The following RPTOR variants were observed in gnomAD, a reference collection of about 807,000 sequenced individuals.
RPTOR encodes the protein regulatory-associated protein of mTOR.
A neutral mutation model predicts 169.9 loss-of-function variants in RPTOR; 21 were observed. The observed-to-expected ratio is 0.12, with a 90% CI of 0.09 to 0.18. The LOEUF (loss-of-function observed/expected upper bound fraction) is 0.18. RPTOR is among the 10% of genes least tolerant of loss of function. RPTOR has a pLI of 1.00. For synonymous variants in RPTOR, 732 were observed against 753.2 expected (o/e 0.97, Z 0.46); for missense variants, 1,133 against 1,855.9 (o/e 0.61, Z 7.16).
At chr17:80,797,717 C>A (rs916903357) in intron 7 of RPTOR, among the ~76,000 whole-genome samples, 1 of 152,178 alleles carries the variant, frequency 6.6e-6, no homozygotes, top group Non-Finnish European at 1.5e-5. Context: ...ATAAAAAATA[C>A]CTCGTTATTT....
chr17:80,878,191 A>G lies in RPTOR; in HGVS notation c.1510-2224A>G, dbSNP rs1209762662. Among the ~76,000 whole-genome samples the G allele has an allele frequency of 6.6e-6, 1 of 152,214 alleles. No homozygotes were observed. The highest frequency in any genetic ancestry group is 1.5e-5 in the Non-Finnish European group (1 of 68,040). ...AACGCACGCCTCACTCTGTCGATGC[A>G]GTGTCTGTCACTGCTCAGTTTCTAG... On this transcript the variant is annotated intron_variant, in intron 13 of 33. Transcript: ENST00000306801. This position sits in a 1 kb window ranked among gnomAD's most constrained non-coding sequence, Gnocchi z 4.1.
chr17:80,841,934 C>T (rs1167046462), intron 10 of RPTOR, among the ~76,000 whole-genome samples: 6 of 145,484 alleles, frequency 4.1e-5, no homozygotes, highest in Middle Eastern at 3.6e-3. Context: ...TCACACTCAC[C>T]GCACGGCAGC....
At chr17:80,926,130 C>A (rs2068809021) in intron 24 of RPTOR, among the ~76,000 whole-genome samples, 1 of 152,220 alleles carries the variant, frequency 6.6e-6, no homozygotes, top group African/African-American at 2.4e-5. Context: ...TAATTGAAAG[C>A]TGAAACTCTC....
In RPTOR at chr17:80,781,279, A is replaced by C. The variant is rs1180236725; in HGVS notation, c.831-10171A>C. ...ATTAATTTTTTTAACTGACAAGATA[A>C]CTTAGAGGGATTTTTTAAATTGGCA... On this transcript the variant is annotated intron_variant, in intron 6 of 33. Transcript: ENST00000306801. Among the ~76,000 whole-genome samples the C allele has an allele frequency of 2.0e-5, 3 of 152,266 alleles. No homozygotes were observed. In the East Asian group the frequency reaches 5.8e-4, roughly 29 times the overall value.
intron 32 of RPTOR, 40 bp downstream of exon 32, chr17:80,962,617 G>A (rs766315226): frequency 1.4e-5 from 21 of 1,541,578 alleles, no homozygotes; most frequent in South Asian, 2.3e-5. Flanking sequence ...CCGCTCACCC[G>A]CCTCGGGCCT....
At chr17:80,700,588 A>ATGGTGGTGATGGTGATG (rs2066081831) in intron 3 of RPTOR, among the ~76,000 whole-genome samples, 3 of 8,758 alleles carry the variant, frequency 3.4e-4, no homozygotes, top group Admixed American at 1.3e-3. Context: ...TGATGATGGA[A>ATGGTGGTGATGGTGATG]GTGGTGGTGA....
chr17:80,814,131 C>T (rs2067300559), intron 7 of RPTOR, among the ~76,000 whole-genome samples: 1 of 152,046 alleles, frequency 6.6e-6, no homozygotes, highest in African/African-American at 2.4e-5. Flanking sequence ...ACAGGGAGAC[C>T]TCATCTCAAA....
rs2067369232 is a variant in RPTOR, at chr17:80,820,596, G to C, written c.891-1605G>C. 1.3e-5 allele frequency among the ~76,000 whole-genome samples: 2 copies of C among 152,214 alleles called. No individual in the cohort carries two copies. The highest frequency in any genetic ancestry group is 2.9e-5 in the Non-Finnish European group (2 of 68,036). ...GGCCAAGCTCTGTCGTAGGTTGTTA[G>C]AGGGTGGGCACCTTTGCTTTTCCTC... On this transcript the variant is annotated intron_variant, in intron 7 of 33. Coordinates refer to ENST00000306801, the MANE Select transcript of RPTOR (RefSeq NM_020761.3). This position sits in a 1 kb window ranked among gnomAD's most constrained non-coding sequence, Gnocchi z 4.1.
rs571929519 is a variant in RPTOR, at chr17:80,861,549, G to A, written c.1509+3649G>A. ...GTTTCTGTCCTACACCCATATCTTCGTCATCTACATGGACACACTTAGAAA... is the reference window on the plus strand; with the variant it reads ...GTTTCTGTCCTACACCCATATCTTCATCATCTACATGGACACACTTAGAAA... On this transcript the variant is annotated intron_variant, in intron 13 of 33. Coordinates refer to ENST00000306801, the MANE Select transcript of RPTOR (RefSeq NM_020761.3). This position sits in a 1 kb window ranked among gnomAD's most constrained non-coding sequence, Gnocchi z 4.5. 9.4e-5 allele frequency among the ~76,000 whole-genome samples: 10 copies of A among 106,088 alleles called. 2 individuals are homozygous for A. The highest frequency in any genetic ancestry group is 3.6e-4 in the Admixed American group (4 of 10,998). The allele number at this position is 106,088 out of a possible 152,430, so 69.6% of individuals were successfully genotyped here.
chr17:80,553,302 C>A lies in RPTOR; in HGVS notation c.162+7511C>A, dbSNP rs75093456. ...GGAGCATCTGCTGCCTTCATGGACG[C>A]AGCACGTCCCAAAGGAATCACCGAC... On this transcript the variant is annotated intron_variant, in intron 1 of 33. Transcript: ENST00000306801. Among the ~76,000 whole-genome samples, 1,432 of 152,288 alleles carry A rather than the reference C, an allele frequency of 9.4e-3. 29 individuals are homozygous for A. Among genetic ancestry groups the A allele is most frequent in the African/African-American group, 0.032 (1,337 of 41,546 alleles).
rs769774190 is a variant in RPTOR, at chr17:80,620,143, G to A, written c.163-5548G>A. 1.2e-3 allele frequency among the ~76,000 whole-genome samples: 189 copies of A among 152,094 alleles called. 3 individuals are homozygous for A. The highest frequency in any genetic ancestry group is 4.7e-4 in the Non-Finnish European group (32 of 68,012). ...TGTTCAGGAGGGATTGAAATTTACC[G>A]TCATGTCCAAGGCCATGCATTGTTA... On this transcript the variant is annotated intron_variant, in intron 1 of 33. Coordinates refer to ENST00000306801, the MANE Select transcript of RPTOR (RefSeq NM_020761.3).
intron 22 of RPTOR, 144 bp from the exon 23 acceptor site, chr17:80,923,346 T>C (rs2271607): frequency 0.21 from 180,891 of 857,858 alleles, 20,877 homozygotes; most frequent in African/African-American, 0.36. Context: ...TCGGGAGCCA[T>C]GATGGCATGC....
At chr17:80,590,338 G>C (rs2065094513) in intron 1 of RPTOR, among the ~76,000 whole-genome samples, 1 of 151,536 alleles carries the variant, frequency 6.6e-6, no homozygotes, top group African/African-American at 2.4e-5. Context: ...ACGCAGGTAT[G>C]CGCACATGCA....
At position 80,890,848 on chromosome 17, in the gene RPTOR, G is replaced by A. The variant is rs79167234; in HGVS notation, c.1984-872G>A. 4.8e-4 allele frequency among the ~76,000 whole-genome samples: 73 copies of A among 152,250 alleles called. No individual in the cohort carries two copies. In the East Asian group the frequency reaches 0.011, roughly 24 times the overall value. On this transcript the variant is annotated intron_variant, in intron 17 of 33. Transcript: ENST00000306801. ...CGTAGACGGAGAGTGGGGTGGCCACGAGAAGACCCTGGTCCCTGGTGGGCG... is the reference window on the plus strand; with the variant it reads ...CGTAGACGGAGAGTGGGGTGGCCACAAGAAGACCCTGGTCCCTGGTGGGCG...
At chr17:80,575,474 A>C (rs1170353906) in intron 1 of RPTOR, among the ~76,000 whole-genome samples, 1 of 152,234 alleles carries the variant, frequency 6.6e-6, no homozygotes, top group Admixed American at 6.5e-5. Context: ...TAGCAGGTGC[A>C]CCGCACGTCT....
intron 7 of RPTOR, among the ~76,000 whole-genome samples, chr17:80,821,607 G>A (rs758296896): frequency 1.3e-5 from 2 of 152,078 alleles, no homozygotes; most frequent in Non-Finnish European, 2.9e-5. Context: ...TTGTCTCTGC[G>A]TCATCTGCCG....
At chr17:80,852,123 T>C (rs1197557759) in intron 11 of RPTOR, among the ~76,000 whole-genome samples, 1 of 152,194 alleles carries the variant, frequency 6.6e-6, no homozygotes, top group East Asian at 1.9e-4. Flanking sequence ...CCGAACACTA[T>C]GATGCTGACT....
chr17:80,557,266 A>T (rs984950999), intron 1 of RPTOR, among the ~76,000 whole-genome samples: 10 of 152,152 alleles, frequency 6.6e-5, no homozygotes, highest in Non-Finnish European at 1.5e-4. Flanking sequence ...AAATGACTTT[A>T]AAAAGGAATT....
At chr17:80,722,730 C>T (rs2066297552) in intron 4 of RPTOR, among the ~76,000 whole-genome samples, 1 of 151,374 alleles carries the variant, frequency 6.6e-6, no homozygotes, top group African/African-American at 2.5e-5. Context: ...CCTGTGTGTC[C>T]TTCATCCAGC....
Sources: gnomAD v4.1 joint callset for allele counts (sites outside exome capture counted in the v4.1 genomes callset) on GRCh38, gnomAD v4.1.1 for gene constraint, Gnocchi (gnomAD v3.1) non-coding constraint, MANE v1.5 for transcripts, NCBI Gene and HGNC (gene_info 2026-07-23, HGNC 2026-07-21) for gene names.